DCP1A: variants seen among roughly 807,000 people sequenced by gnomAD.
The protein encoded by DCP1A is mRNA-decapping enzyme 1A.
Under a neutral mutation model 58.0 loss-of-function variants are expected in DCP1A, and 20 were observed. The ratio of observed to expected loss-of-function variants is 0.34; its 90% CI spans 0.24 to 0.50. The LOEUF is 0.50. Ranked by LOEUF, DCP1A falls within the 20% of genes least tolerant of loss-of-function variation. The pLI, the probability that DCP1A is intolerant of heterozygous loss-of-function variation, is 0.98. For synonymous variants in DCP1A, 285 were observed against 275.1 expected, an observed-to-expected ratio of 1.04 and a Z score of -0.36; for missense variants, 613 against 712.2, an observed-to-expected ratio of 0.86 and a Z score of 1.59.
chr3:53,315,500 C>A (rs1314284970), intron 4 of DCP1A, among the ~76,000 whole-genome samples: 2 of 141,938 alleles, frequency 1.4e-5, no homozygotes, highest in African/African-American at 5.2e-5. Flanking sequence ...GATCACGCCA[C>A]CACATTCCTG....
At chr3:53,331,982 T>C (rs1553691334) in intron 3 of DCP1A, among the ~76,000 whole-genome samples, 1 of 152,184 alleles carries the variant, frequency 6.6e-6, no homozygotes, top group African/African-American at 2.4e-5. Context: ...AAAACCACAA[T>C]TACTTTTGCA....
intron 3 of DCP1A, among the ~76,000 whole-genome samples, chr3:53,320,146 T>C (rs1707921108): frequency 6.6e-6 from 1 of 151,614 alleles, no homozygotes; most frequent in Non-Finnish European, 1.5e-5. Flanking sequence ...AAAAAGATAT[T>C]AAAATTGTTA....
At chr3:53,326,988 C>CA (rs1172790949) in intron 3 of DCP1A, among the ~76,000 whole-genome samples, 2 of 148,316 alleles carry the variant, frequency 1.3e-5, no homozygotes, top group African/African-American at 5.0e-5. Context: ...CCCCCCCCCC[C>CA]AACTGGTATT....
chr3:53,298,430 A>C (rs73843113), intron 6 of DCP1A, among the ~76,000 whole-genome samples: 1,944 of 152,334 alleles, frequency 0.013, 38 homozygotes, highest in African/African-American at 0.045. Context: ...AAGAGAGAAT[A>C]AACGAATTTG....
intron 3 of DCP1A, among the ~76,000 whole-genome samples, chr3:53,332,660 C>T (rs530930374): frequency 5.3e-5 from 8 of 152,012 alleles, no homozygotes; most frequent in South Asian, 2.1e-4. Flanking sequence ...GTCAGGAGAT[C>T]GAGACCATCC....
At chr3:53,311,491 C>A (rs374128757) in intron 5 of DCP1A, among the ~76,000 whole-genome samples, 3 of 152,014 alleles carry the variant, frequency 2.0e-5, no homozygotes, top group Non-Finnish European at 4.4e-5. Context: ...ACCACAATTG[C>A]CATTTTATTC....
chr3:53,347,497 A>G lies in DCP1A; in HGVS notation c.21T>C (p.Ala7=), dbSNP rs782663615. The stretch of plus-strand genomic sequence containing the variant: ...GGGCCGCTAGGCTCATCTCCTGCCC[A>G]GCTCGACTCAGCGCCTCCATCTTGA... MEALSR[A]GQEMSLAALK... The change falls in exon 1 of 10, where the codon GCT becomes GCC. Residue 7 remains alanine (A), a synonymous_variant. Coordinates refer to ENST00000610213, the MANE Select transcript of DCP1A (RefSeq NM_018403.7). The G allele has an allele frequency of 1.9e-6, 3 of 1,612,266 alleles. No individual in the cohort carries two copies. In the African/African-American group the frequency reaches 4.0e-5, roughly 22 times the overall value.
At chr3:53,326,783 A>AT (rs1315315017) in intron 3 of DCP1A, among the ~76,000 whole-genome samples, 1 of 152,204 alleles carries the variant, frequency 6.6e-6, no homozygotes, top group Non-Finnish European at 1.5e-5. Context: ...TTGCATAATT[A>AT]TTTCATTATT....
At chr3:53,325,378 T>C (rs1385798350) in intron 3 of DCP1A, among the ~76,000 whole-genome samples, 1 of 152,202 alleles carries the variant, frequency 6.6e-6, no homozygotes, top group African/African-American at 2.4e-5. Context: ...CTGAGGAGGC[T>C]GGAGATTTTC....
rs1706638179 is a variant in DCP1A at position 53,286,461 on chromosome 3, A to G, written c.*1119T>C. ...TTACATGCCATAAAAGAATAAATAGAAATCATGGCAGATCAATAGCAGCAT... is the reference window on the plus strand; with the variant it reads ...TTACATGCCATAAAAGAATAAATAGGAATCATGGCAGATCAATAGCAGCAT... On this transcript the variant is annotated 3_prime_UTR_variant, in exon 10 of 10. Transcript: ENST00000610213. The G allele has an allele frequency of 6.6e-6, 1 of 152,260 alleles. No homozygotes were observed. Among genetic ancestry groups the G allele is most frequent in the African/African-American group, 2.4e-5 (1 of 41,474 alleles). 9.4% of individuals were successfully genotyped at this position (152,260 alleles called of 1,614,324 possible).
chr3:53,295,676 G>T lies in DCP1A; in HGVS notation c.625-2849C>A, dbSNP rs144136777. Among the ~76,000 whole-genome samples, 865 of 152,208 alleles carry T rather than the reference G, an allele frequency of 5.7e-3. 4 individuals carry two copies. The highest frequency in any genetic ancestry group is 0.019 in the African/African-American group (796 of 41,520). ...TCCTTTCATGTAGCTGGGACCACAG[G>T]TGCATGCCACCATGATCAGTTTATT... is the stretch of plus-strand genomic sequence containing the variant. On this transcript the variant is annotated intron_variant, in intron 6 of 9. Coordinates refer to ENST00000610213, the MANE Select transcript of DCP1A (RefSeq NM_018403.7).
At chr3:53,324,502 T>C (rs1296861343) in intron 3 of DCP1A, among the ~76,000 whole-genome samples, 7 of 152,386 alleles carry the variant, frequency 4.6e-5, no homozygotes, top group South Asian at 4.1e-4. Context: ...CAACACATTC[T>C]GCCAACAATT....
chr3:53,344,992 C>T, intron 1 of DCP1A, 50 bp from the exon 2 acceptor site: 2 of 1,375,184 alleles, frequency 1.5e-6, no homozygotes, highest in Middle Eastern at 1.8e-4. Context: ...AATCAGACCC[C>T]AAATAGTCCC....
intron 8 of DCP1A, among the ~76,000 whole-genome samples, chr3:53,290,190 G>A (rs1413217819): frequency 2.0e-5 from 3 of 152,140 alleles, no homozygotes; most frequent in Non-Finnish European, 4.4e-5. Flanking sequence ...ATGGAGAGTA[G>A]GGACAACAAA....
intron 3 of DCP1A, among the ~76,000 whole-genome samples, chr3:53,323,860 T>TAAA (rs1708039788): frequency 1.4e-5 from 1 of 71,234 alleles, no homozygotes; most frequent in African/African-American, 5.3e-5. Flanking sequence ...AGACTCTGTC[T>TAAA]CAAAAAAAAA....
At chr3:53,298,040 A>C (rs994428874) in intron 6 of DCP1A, among the ~76,000 whole-genome samples, 1 of 152,194 alleles carries the variant, frequency 6.6e-6, no homozygotes, top group South Asian at 2.1e-4. Context: ...CAACATATTG[A>C]GACCCTGCCT....
chr3:53,319,077 A>G (rs2106849713), intron 4 of DCP1A, among the ~76,000 whole-genome samples: 1 of 152,330 alleles, frequency 6.6e-6, no homozygotes, highest in African/African-American at 2.4e-5. Flanking sequence ...TACTACAGAG[A>G]AAGATTTAAT....
intron 3 of DCP1A, among the ~76,000 whole-genome samples, chr3:53,334,141 GT>G (rs2089068992): frequency 6.6e-6 from 1 of 152,034 alleles, no homozygotes; most frequent in African/African-American, 2.4e-5. Context: ...GCGTGCACTT[GT>G]GGTCCCAGCT....
intron 3 of DCP1A, among the ~76,000 whole-genome samples, chr3:53,326,835 T>C (rs1259740925): frequency 6.6e-6 from 1 of 152,204 alleles, no homozygotes; most frequent in Non-Finnish European, 1.5e-5. Flanking sequence ...ATAAATGTAA[T>C]GTGTTTGAAT....
Sources: allele counts gnomAD v4.1 joint callset (sites outside exome capture counted in the v4.1 genomes callset), GRCh38; gene constraint gnomAD v4.1.1; transcripts MANE v1.5; gene names NCBI Gene and HGNC (gene_info 2026-07-23, HGNC 2026-07-21).